FBXL7: variants seen among roughly 807,000 people sequenced by gnomAD.
FBXL7 encodes the protein F-box/LRR-repeat protein 7.
Under a neutral mutation model 38.3 loss-of-function variants are expected in FBXL7, and 12 were observed. The ratio of observed to expected loss-of-function variants is 0.31; its 90% confidence interval spans 0.20 to 0.51. The LOEUF is 0.51. FBXL7 is among the 20% of genes least tolerant of loss of function. FBXL7 has a pLI of 0.98. For synonymous variants in FBXL7, 297 were observed against 300.9 expected (o/e 0.99, Z 0.13); for missense variants, 567 against 676.4 (o/e 0.84, Z 1.79).
intron 2 of FBXL7, among the ~76,000 whole-genome samples, chr5:15,869,588 T>C (rs906560665): frequency 6.6e-6 from 1 of 152,146 alleles, no homozygotes; most frequent in African/African-American, 2.4e-5. Flanking sequence ...AAATAGCAGA[T>C]CCCTAAGCAG....
intron 1 of FBXL7, among the ~76,000 whole-genome samples, chr5:15,564,668 T>C (rs1738514255): frequency 6.6e-6 from 1 of 152,100 alleles, no homozygotes; most frequent in South Asian, 2.1e-4. Flanking sequence ...CAGTTTCTTC[T>C]TCTCTCCTTT....
intron 2 of FBXL7, among the ~76,000 whole-genome samples, chr5:15,746,723 T>G (rs929638637): frequency 3.5e-4 from 54 of 152,164 alleles, no homozygotes; most frequent in Admixed American, 3.5e-3. Context: ...ATGGACTAGA[T>G]AAGACCATCT....
chr5:15,592,643 G>A lies in FBXL7; in HGVS notation c.38-23340G>A, dbSNP rs576662990. Among the ~76,000 whole-genome samples, 90 of 152,160 alleles carry A rather than the reference G, an allele frequency of 5.9e-4. 1 individual carries two copies. The highest frequency in any genetic ancestry group is 2.1e-3 in the Admixed American group (32 of 15,284). ...GTCCCTAAGTGTGTTTTATAATAACGGATTTGAAGACCGGGCTTATCAGAG... is the reference window on the plus strand; with the variant it reads ...GTCCCTAAGTGTGTTTTATAATAACAGATTTGAAGACCGGGCTTATCAGAG... On this transcript the variant is annotated intron_variant, in intron 1 of 3. Coordinates refer to ENST00000504595, the MANE Select transcript of FBXL7 (RefSeq NM_012304.5).
intron 2 of FBXL7, among the ~76,000 whole-genome samples, chr5:15,720,156 A>G (rs1744155425): frequency 6.7e-6 from 1 of 149,248 alleles, no homozygotes; most frequent in Non-Finnish European, 1.5e-5. Context: ...ACCAACAAAC[A>G]GTAAACCAGT....
At chr5:15,504,079 C>T (rs1398013111) in intron 1 of FBXL7, among the ~76,000 whole-genome samples, 1 of 152,240 alleles carries the variant, frequency 6.6e-6, no homozygotes, top group Non-Finnish European at 1.5e-5. Context: ...AAAACTACTC[C>T]ATCATTTATC....
intron 2 of FBXL7, among the ~76,000 whole-genome samples, chr5:15,659,305 C>CTACA (rs1474275052): frequency 4.0e-5 from 6 of 151,676 alleles, no homozygotes; most frequent in African/African-American, 1.5e-4. Context: ...AAGTAGAAAG[C>CTACA]TACATAACCT....
At chr5:15,808,327 A>C (rs1010492793) in intron 2 of FBXL7, among the ~76,000 whole-genome samples, 2 of 152,128 alleles carry the variant, frequency 1.3e-5, no homozygotes, top group East Asian at 1.9e-4. Flanking sequence ...TAAGTGGAGT[A>C]AGAAGGGCTT....
chr5:15,659,856 A>G (rs1474617437), intron 2 of FBXL7, among the ~76,000 whole-genome samples: 1 of 152,254 alleles, frequency 6.6e-6, no homozygotes, highest in African/African-American at 2.4e-5. Flanking sequence ...TATAGAAGAT[A>G]TACACCAAAT....
chr5:15,757,697 T>G (rs1220724116), intron 2 of FBXL7, among the ~76,000 whole-genome samples: 1 of 152,198 alleles, frequency 6.6e-6, no homozygotes, highest in Non-Finnish European at 1.5e-5. Context: ...TTCTGTCATT[T>G]GTAAACTGAA....
chr5:15,929,711 A>C (rs560241349), intron 3 of FBXL7, among the ~76,000 whole-genome samples: 2 of 152,170 alleles, frequency 1.3e-5, no homozygotes, highest in South Asian at 2.1e-4. Context: ...AGGAAGAATT[A>C]AAGCCCAGAC....
intron 1 of FBXL7, among the ~76,000 whole-genome samples, chr5:15,521,472 G>C (rs1380904571): frequency 6.6e-6 from 1 of 152,180 alleles, no homozygotes; most frequent in African/African-American, 2.4e-5. Flanking sequence ...GTATTGTCAT[G>C]ATTTAACTTA....
intron 2 of FBXL7, among the ~76,000 whole-genome samples, chr5:15,669,956 G>A (rs1742411685): frequency 6.6e-6 from 1 of 152,118 alleles, no homozygotes; most frequent in Non-Finnish European, 1.5e-5. Context: ...TCACTTCCGG[G>A]TGGAAGCTTT....
At position 15,566,633 on chromosome 5, in the gene FBXL7, A is replaced by T. The variant is rs57630623; in HGVS notation, c.38-49350A>T. Among the ~76,000 whole-genome samples, 287 of 152,298 alleles carry T rather than the reference A, an allele frequency of 1.9e-3. 4 individuals are homozygous for T. In the East Asian group the frequency reaches 0.034, roughly 18 times the overall value. The stretch of plus-strand genomic sequence containing the variant: ...TCCAACATCATAAATTACACATTTC[A>T]TACAAGAAGCAACTTTTTGAGAAGC... On this transcript the variant is annotated intron_variant, in intron 1 of 3. Coordinates refer to ENST00000504595, the MANE Select transcript of FBXL7 (RefSeq NM_012304.5).
intron 1 of FBXL7, among the ~76,000 whole-genome samples, chr5:15,523,507 T>C (rs1019145239): frequency 2.0e-5 from 3 of 151,366 alleles, no homozygotes; most frequent in Admixed American, 2.0e-4. Context: ...TGCAGTGAGC[T>C]GTGATTGCAC....
chr5:15,694,449 T>C (rs895079663), intron 2 of FBXL7, among the ~76,000 whole-genome samples: 1 of 152,160 alleles, frequency 6.6e-6, no homozygotes, highest in African/African-American at 2.4e-5. Flanking sequence ...GTAATGACAA[T>C]GCTGAGATGT....
intron 2 of FBXL7, among the ~76,000 whole-genome samples, chr5:15,696,540 C>T (rs997184488): frequency 7.2e-5 from 11 of 152,102 alleles, no homozygotes; most frequent in Non-Finnish European, 1.5e-4. Context: ...TGTGTAAAAA[C>T]GAATTCTCCC....
intron 2 of FBXL7, among the ~76,000 whole-genome samples, chr5:15,668,409 T>TG (rs1293537342): frequency 2.7e-5 from 4 of 150,556 alleles, no homozygotes; most frequent in Non-Finnish European, 4.4e-5. Flanking sequence ...TGTGTGTGTG[T>TG]TTTCATGGCT....
intron 1 of FBXL7, among the ~76,000 whole-genome samples, chr5:15,561,014 TCA>T (rs1491426446): frequency 6.6e-6 from 1 of 152,228 alleles, no homozygotes; most frequent in Admixed American, 6.5e-5. Context: ...ATCCATCATC[TCA>T]CATGTTTCCG....
chr5:15,524,138 T>C (rs547177521), intron 1 of FBXL7, among the ~76,000 whole-genome samples: 24 of 152,294 alleles, frequency 1.6e-4, no homozygotes, highest in African/African-American at 4.6e-4. Flanking sequence ...CACTTTTTTT[T>C]CCCCATCTGT....
Sources: gnomAD v4.1 joint callset for allele counts (sites outside exome capture counted in the v4.1 genomes callset) on GRCh38, gnomAD v4.1.1 for gene constraint, MANE v1.5 for transcripts, NCBI Gene and HGNC (gene_info 2026-07-23, HGNC 2026-07-21) for gene names.